The following DIP2C variants were observed in gnomAD, a reference collection of about 807,000 sequenced individuals.
The protein encoded by DIP2C is disco-interacting protein 2 homolog C.
Under a neutral mutation model 192.4 loss-of-function variants are expected in DIP2C, and 33 were observed. That is an observed-to-expected ratio of 0.17 (90% CI 0.13 to 0.23). DIP2C has a LOEUF of 0.23. DIP2C is among the 10% of genes least tolerant of loss of function. The pLI, the probability that DIP2C is intolerant of heterozygous loss-of-function variation, is 1.00. For synonymous variants in DIP2C, 979 were observed against 864.1 expected, an observed-to-expected ratio of 1.13 and a Z score of -2.33; for missense variants, 1,537 against 2,110.1, an observed-to-expected ratio of 0.73 and a Z score of 5.32.
intron 17 of DIP2C, among the ~76,000 whole-genome samples, chr10:379,528 G>C (rs749718508): frequency 2.0e-5 from 3 of 152,180 alleles, no homozygotes; most frequent in Non-Finnish European, 4.4e-5. Context: ...TCATAGCCCA[G>C]ATGTCCATGC....
chr10:400,598 T>C (rs962445427), intron 9 of DIP2C, among the ~76,000 whole-genome samples: 26 of 151,902 alleles, frequency 1.7e-4, no homozygotes, highest in Admixed American at 3.3e-4. Flanking sequence ...TGGACAAGTT[T>C]GGTACGTGTT....
intron 1 of DIP2C, among the ~76,000 whole-genome samples, chr10:533,773 C>G (rs537533369): frequency 1.1e-4 from 16 of 152,122 alleles, no homozygotes; most frequent in Non-Finnish European, 2.1e-4. Flanking sequence ...TGCTTAGTGA[C>G]GGGCACCTAC....
At position 275,310 on chromosome 10, in the gene DIP2C, G is replaced by A. The variant is rs932246860; in HGVS notation, c.*2015C>T. 6.6e-6 allele frequency: 1 copy of A among 152,070 alleles called. No individual in the cohort carries two copies. The highest frequency in any genetic ancestry group is 2.4e-5 in the African/African-American group (1 of 41,346). The allele number at this position is 152,070 out of a possible 1,614,324, so 9.4% of individuals were successfully genotyped here. On this transcript the variant is annotated 3_prime_UTR_variant, in exon 37 of 37. Transcript: ENST00000280886. ...GTCTTTTTTCCCCCCAATGTGTGGT[G>A]GTTCCCCCCTTAGGAAGCAGAGACT...
chr10:609,573 T>G (rs147220381), intron 1 of DIP2C, among the ~76,000 whole-genome samples: 148 of 152,328 alleles, frequency 9.7e-4, no homozygotes, highest in South Asian at 9.3e-3. Flanking sequence ...TCCTTTATCT[T>G]TGACATGAAG....
At chr10:290,569 G>A (rs1428467959) in intron 32 of DIP2C, among the ~76,000 whole-genome samples, 1 of 152,234 alleles carries the variant, frequency 6.6e-6, no homozygotes, top group Non-Finnish European at 1.5e-5. Flanking sequence ...GCCCGCAGAT[G>A]TGCCCTGATC....
At chr10:510,876 A>T (rs1281815775) in intron 1 of DIP2C, among the ~76,000 whole-genome samples, 2 of 152,164 alleles carry the variant, frequency 1.3e-5, no homozygotes, top group African/African-American at 4.8e-5. Context: ...GGCTGCTCAG[A>T]GCTGGTGGTG....
At position 337,761 on chromosome 10, in the gene DIP2C, T is replaced by TGTGCAC. The variant is rs1564576867; in HGVS notation, c.3584+3437_3584+3438insGTGCAC. Among the ~76,000 whole-genome samples the TGTGCAC allele has an allele frequency of 3.1e-3, 117 of 37,702 alleles. 1 individual carries two copies. The highest frequency in any genetic ancestry group is 9.0e-3 in the African/African-American group (100 of 11,154). The allele number at this position is 37,702 out of a possible 152,430, so 24.7% of individuals were successfully genotyped here. A position where few individuals can be genotyped will look rare whatever the true frequency, so the allele number is the denominator to read the frequency against. On this transcript the variant is annotated intron_variant, in intron 29 of 36. Coordinates refer to ENST00000280886, the MANE Select transcript of DIP2C (RefSeq NM_014974.3). Reference sequence around the variant, plus strand: ...TTGTGGAGGACTAGGCTGATGTGTGTGTGTGTTCTGTGAAGGCCTAGGCAG... The same window carrying TGTGCAC: ...TTGTGGAGGACTAGGCTGATGTGTGTGTGCACGTGTGTTCTGTGAAGGCCTAGGCAG...
intron 1 of DIP2C, among the ~76,000 whole-genome samples, chr10:578,204 T>C (rs946175699): frequency 2.6e-5 from 4 of 152,238 alleles, no homozygotes; most frequent in Non-Finnish European, 4.4e-5. Context: ...ACATATCATT[T>C]TCAACGTTAA....
Position 679,496 on chromosome 10 carries a change from CCCCACA to C in DIP2C, c.85+9992_85+9997del, listed in dbSNP as rs1564336556. On this transcript the variant is annotated intron_variant, in intron 1 of 36. Transcript: ENST00000280886. ...CACCCCTGCTCCCCACACCCCTGCT[CCCCACA>C]CCCGTGCTCCCCACGCCCATGCTCC... is the stretch of plus-strand genomic sequence containing the variant. Among the ~76,000 whole-genome samples the C allele has an allele frequency of 1.7e-4, 8 of 47,558 alleles. 2 individuals carry two copies. Among genetic ancestry groups the C allele is most frequent in the Non-Finnish European group, 2.7e-4 (6 of 22,130 alleles). 31.2% of individuals were successfully genotyped at this position (47,558 alleles called of 152,430 possible).
intron 1 of DIP2C, among the ~76,000 whole-genome samples, chr10:648,855 A>G (rs1193920076): frequency 4.5e-3 from 351 of 77,700 alleles, no homozygotes; most frequent in Middle Eastern, 0.044. Context: ...AGAACAGAGG[A>G]AAACTGAGTC....
intron 1 of DIP2C, chr10:663,049 G>A (rs1588715156): frequency 3.1e-6 from 2 of 638,028 alleles, no homozygotes; most frequent in South Asian, 3.8e-5. Context: ...GACCCTGCTG[G>A]GGCAGATGGT....
chr10:670,059 G>A (rs910948923), intron 1 of DIP2C, among the ~76,000 whole-genome samples: 4 of 152,146 alleles, frequency 2.6e-5, no homozygotes, highest in African/African-American at 7.2e-5. Context: ...CTGTATGAAA[G>A]GAAAAGGCAT....
Position 542,220 on chromosome 10 carries a change from C to T in DIP2C, c.86-55690G>A, listed in dbSNP as rs541559219. Among the ~76,000 whole-genome samples the T allele has an allele frequency of 5.9e-5, 9 of 152,338 alleles. No individual in the cohort carries two copies. The East Asian group carries it at 1.5e-3, about 26-fold the overall frequency. ...TCCTTCTGCTCCCTGCCTGCCTCTG[C>T]GAGTTACCTCCTGGGCGATGCCAGG... On this transcript the variant is annotated intron_variant, in intron 1 of 36. Transcript: ENST00000280886.
intron 3 of DIP2C, 129 bp from the exon 4 acceptor site, chr10:441,125 G>A (rs1293708671): frequency 1.8e-6 from 2 of 1,086,760 alleles, no homozygotes; most frequent in Non-Finnish European, 2.5e-6. Flanking sequence ...GGTGGGCGAG[G>A]AAAGAAAATC....
intron 1 of DIP2C, 51 bp from the exon 2 acceptor site, chr10:486,581 T>TATCA (rs769754385): frequency 5.4e-6 from 8 of 1,474,280 alleles, no homozygotes; most frequent in Non-Finnish European, 6.4e-6. Context: ...GATAGAGCAT[T>TATCA]ATCATTCAAC....
At chr10:282,715 C>T (rs1954898326) in intron 35 of DIP2C, among the ~76,000 whole-genome samples, 1 of 152,268 alleles carries the variant, frequency 6.6e-6, no homozygotes, top group Non-Finnish European at 1.5e-5. Flanking sequence ...ATGCTGTCCA[C>T]CTGGCTGCTC....
intron 1 of DIP2C, among the ~76,000 whole-genome samples, chr10:534,778 G>A (rs979780915): frequency 5.1e-4 from 77 of 151,160 alleles, no homozygotes; most frequent in Admixed American, 1.8e-3. Flanking sequence ...CCGGGTTCAC[G>A]CCATTCTCCT....
At chr10:405,092 A>C (rs1028164427) in intron 9 of DIP2C, among the ~76,000 whole-genome samples, 1 of 152,254 alleles carries the variant, frequency 6.6e-6, no homozygotes, top group Non-Finnish European at 1.5e-5. Flanking sequence ...TCATGAGAAC[A>C]TGTTCAGTTC....
intron 31 of DIP2C, among the ~76,000 whole-genome samples, chr10:315,833 A>G (rs947971409): frequency 2.0e-5 from 3 of 151,824 alleles, no homozygotes; most frequent in African/African-American, 7.3e-5. Flanking sequence ...GGCCTCAGAC[A>G]CTCTGTTCCA....
Sources: gnomAD v4.1 joint callset for allele counts (sites outside exome capture counted in the v4.1 genomes callset) on GRCh38, gnomAD v4.1.1 for gene constraint, MANE v1.5 for transcripts, NCBI Gene and HGNC (gene_info 2026-07-23, HGNC 2026-07-21) for gene names.